The following CLIP2 variants were observed in gnomAD, a reference collection of about 807,000 sequenced individuals.
CLIP2 encodes the protein CAP-Gly domain-containing linker protein 2.
CLIP2 carries 41 observed loss-of-function variants against 111.7 expected under a neutral mutation model. That is an observed-to-expected ratio of 0.37 (90% CI 0.29 to 0.48). The LOEUF is 0.48. CLIP2 is among the 20% of genes least tolerant of loss of function. CLIP2 has a pLI of 0.99. For missense variants in CLIP2, 1,160 were observed against 1,422.1 expected (o/e 0.82, Z 2.96); for synonymous variants, 660 against 644.2 (o/e 1.02, Z -0.37).
intron 3 of CLIP2, among the ~76,000 whole-genome samples, chr7:74,341,802 G>C (rs1300615441): frequency 6.6e-6 from 1 of 152,078 alleles, no homozygotes. Flanking sequence ...CTTCCCCTGG[G>C]TGACCTGGTG....
At chr7:74,391,455 C>T (rs935502574) in intron 13 of CLIP2, among the ~76,000 whole-genome samples, 1 of 152,132 alleles carries the variant, frequency 6.6e-6, no homozygotes, top group South Asian at 2.1e-4. Flanking sequence ...ATCCAATGAG[C>T]TAGATTCAGT....
At chr7:74,317,404 G>A in intron 1 of CLIP2, 76 bp from the exon 2 acceptor site, 1 of 1,019,084 alleles carries the variant, frequency 9.8e-7, no homozygotes, top group Admixed American at 3.9e-5. Context: ...GGAGGGATGT[G>A]TGTTGCTTGA....
rs1252423555 is a variant in CLIP2 at position 74,289,422 on chromosome 7, C to G, written c.-380C>G. 6.0e-5 allele frequency: 9 copies of G among 150,994 alleles called. No individual in the cohort carries two copies. Among genetic ancestry groups the G allele is most frequent in the Non-Finnish European group, 1.2e-4 (8 of 67,516 alleles). The allele number at this position is 150,994 out of a possible 1,614,324, so 9.4% of individuals were successfully genotyped here. A position where few individuals can be genotyped will look rare whatever the true frequency, so the allele number is the denominator to read the frequency against. ...TGCGCCGGCCCCTTTTGTTCCCTCC[C>G]GGAGCCGGGCCGCTGGCTCCGCTGG... On this transcript the variant is annotated 5_prime_UTR_variant, in exon 1 of 17. Coordinates refer to ENST00000223398, the MANE Select transcript of CLIP2 (RefSeq NM_003388.5).
At chr7:74,328,775 T>C (rs1461202252) in intron 2 of CLIP2, among the ~76,000 whole-genome samples, 1 of 152,054 alleles carries the variant, frequency 6.6e-6, no homozygotes, top group African/African-American at 2.4e-5. Flanking sequence ...TTTATTTCTT[T>C]TGAGAGGGTC....
chr7:74,332,048 A>C (rs1789301108), intron 2 of CLIP2, among the ~76,000 whole-genome samples: 1 of 152,018 alleles, frequency 6.6e-6, no homozygotes, highest in Non-Finnish European at 1.5e-5. Context: ...CCTGCTACTG[A>C]TCAGAGAAGA....
intron 2 of CLIP2, among the ~76,000 whole-genome samples, chr7:74,322,794 G>A (rs1324990779): frequency 5.9e-5 from 9 of 151,698 alleles, no homozygotes; most frequent in African/African-American, 1.2e-4. Flanking sequence ...GCAGTGGCGC[G>A]ATCTTGGCTC....
chr7:74,299,666 G>A (rs1354156992), intron 1 of CLIP2, among the ~76,000 whole-genome samples: 6 of 151,366 alleles, frequency 4.0e-5, no homozygotes, highest in South Asian at 2.1e-4. Context: ...GGGAGTGAGA[G>A]CACCCTGGGG....
intron 1 of CLIP2, among the ~76,000 whole-genome samples, chr7:74,308,868 A>T (rs1788564689): frequency 2.0e-5 from 3 of 150,716 alleles, no homozygotes; most frequent in African/African-American, 4.9e-5. Context: ...TTTTTAAAAA[A>T]TTTTTTTAAC....
intron 12 of CLIP2, among the ~76,000 whole-genome samples, chr7:74,388,340 C>CA (rs1273920800): frequency 5.3e-5 from 8 of 151,374 alleles, no homozygotes; most frequent in African/African-American, 1.7e-4. Context: ...CACACACACA[C>CA]ACAAAAACAA....
intron 2 of CLIP2, among the ~76,000 whole-genome samples, chr7:74,319,227 A>G (rs775790823): frequency 4.6e-5 from 7 of 152,104 alleles, no homozygotes; most frequent in African/African-American, 1.4e-4. Flanking sequence ...TTAAGAAAGA[A>G]AAAGGCCGGG....
chr7:74,312,772 C>T (rs1035423750), intron 1 of CLIP2, among the ~76,000 whole-genome samples: 2 of 152,116 alleles, frequency 1.3e-5, no homozygotes, highest in African/African-American at 2.4e-5. Flanking sequence ...CCAGTGCTCT[C>T]GTGGGCGCAC....
intron 1 of CLIP2, among the ~76,000 whole-genome samples, 192 bp from the exon 2 acceptor site, chr7:74,317,288 G>T (rs1788807605): frequency 6.6e-6 from 1 of 152,102 alleles, no homozygotes; most frequent in South Asian, 2.1e-4. Flanking sequence ...AGTAGAGGGG[G>T]TGCGTGCTGG....
chr7:74,401,520 G>A lies in CLIP2; in HGVS notation c.3082G>A (p.Gly1028Ser), dbSNP rs141932048. 5.0e-6 allele frequency: 8 copies of A among 1,614,108 alleles called. No homozygotes were observed. The highest frequency in any genetic ancestry group is 3.3e-5 in the South Asian group (3 of 91,056). Reference protein sequence around the residue: ...PDKAQTIGNSGSANGIHQQDK... With the variant: ...PDKAQTIGNSSSANGIHQQDK... ...ACTCTTCCAGACCATCGGCAATTCC[G>A]GTTCTGCAAACGGCATCCACCAGCA... The change falls in exon 16 of 17, where the codon GGT (glycine) becomes AGT (serine). Residue 1028 changes from glycine (G) to serine (S), a missense_variant. Coordinates refer to ENST00000223398, the MANE Select transcript of CLIP2 (RefSeq NM_003388.5).
intron 3 of CLIP2, among the ~76,000 whole-genome samples, chr7:74,352,859 AAACTT>A (rs1430410195): frequency 3.9e-5 from 6 of 152,098 alleles, no homozygotes; most frequent in African/African-American, 1.4e-4. Flanking sequence ...AAATTTTTAA[AAACTT>A]AGCTGGGTGT....
At chr7:74,403,761 C>G (rs1554318093) in intron 16 of CLIP2, 76 bp from the exon 17 acceptor site, 3 of 1,531,532 alleles carry the variant, frequency 2.0e-6, no homozygotes, top group East Asian at 2.3e-5. Flanking sequence ...CTCCTTTCCT[C>G]CCTGACTCCC....
intron 2 of CLIP2, among the ~76,000 whole-genome samples, chr7:74,330,639 C>G (rs495566): frequency 0.61 from 93,168 of 151,892 alleles, 30,541 homozygotes; most frequent in Middle Eastern, 0.74. Context: ...TGCTGGATGT[C>G]GGGATGCTCC....
intron 8 of CLIP2, among the ~76,000 whole-genome samples, chr7:74,370,602 C>G (rs1196268905): frequency 1.3e-4 from 19 of 143,408 alleles, no homozygotes; most frequent in Non-Finnish European, 2.6e-4. Context: ...AACCCTCCCC[C>G]CCACCACCAC....
intron 4 of CLIP2, among the ~76,000 whole-genome samples, chr7:74,355,658 G>A (rs1554308355): frequency 6.6e-6 from 1 of 152,194 alleles, no homozygotes. Context: ...GTCCAGTGTG[G>A]AATCCGTGAC....
intron 1 of CLIP2, among the ~76,000 whole-genome samples, chr7:74,300,560 A>G (rs1788309199): frequency 6.7e-6 from 1 of 149,288 alleles, no homozygotes; most frequent in Non-Finnish European, 1.5e-5. Context: ...GGTTCACGCC[A>G]TTCTCCTGCC....
Sources: allele counts gnomAD v4.1 joint callset (sites outside exome capture counted in the v4.1 genomes callset), GRCh38; gene constraint gnomAD v4.1.1; transcripts MANE v1.5; gene names NCBI Gene and HGNC (gene_info 2026-07-23, HGNC 2026-07-21).